Variants in ZDHHC21 observed in about 807,000 individuals in gnomAD.
ZDHHC21 encodes palmitoyltransferase ZDHHC21.
Under a neutral mutation model 34.6 loss-of-function variants are expected in ZDHHC21, and 15 were observed. That is an observed-to-expected ratio of 0.43 (90% confidence interval 0.29 to 0.67). The LOEUF (loss-of-function observed/expected upper bound fraction) is 0.67, where lower values mean the gene tolerates loss of function less well. ZDHHC21 is among the 30% of genes least tolerant of loss of function. The probability of loss-of-function intolerance (pLI) is 0.14; values close to 1 mark genes in which losing one functional copy is unlikely to be tolerated. For synonymous variants in ZDHHC21, 142 were observed against 101.8 expected, an observed-to-expected ratio of 1.40 and a Z score of -2.38; for missense variants, 344 against 327.7, an observed-to-expected ratio of 1.05 and a Z score of -0.38.
chr9:14,588,818 A>G, the ZDHHC21 span: 1 of 152,156 alleles, frequency 6.6e-6, no homozygotes, highest in Admixed American at 6.5e-5. Flanking sequence ...CTCTGGCTTT[A>G]TTTCATGTAA....
intron 2 of ZDHHC21, among the ~76,000 whole-genome samples, chr9:14,685,176 T>C (rs1838091188): frequency 6.6e-6 from 1 of 151,394 alleles, no homozygotes; most frequent in African/African-American, 2.4e-5. Context: ...CCAAAAGCAA[T>C]GGCAACAAAA....
chr9:14,660,980 G>A (rs937023155), intron 6 of ZDHHC21, among the ~76,000 whole-genome samples: 9 of 152,218 alleles, frequency 5.9e-5, no homozygotes, highest in African/African-American at 2.2e-4. Context: ...ACTATTGTGA[G>A]AGCAAACAGA....
intron 8 of ZDHHC21, among the ~76,000 whole-genome samples, chr9:14,623,156 C>CAAAA (rs200679461): frequency 2.5e-4 from 35 of 139,756 alleles, no homozygotes; most frequent in African/African-American, 8.5e-4. Context: ...AAGGCAACAA[C>CAAAA]AAAAAAAAAA....
chr9:14,609,669 ATAT>A (rs1234046903), downstream of ZDHHC21, among the ~76,000 whole-genome samples: 1 of 152,110 alleles, frequency 6.6e-6, no homozygotes, highest in Non-Finnish European at 1.5e-5. Flanking sequence ...ACCAGTGGTA[ATAT>A]TAATGAACTT....
At chr9:14,658,993 T>G in intron 6 of ZDHHC21, 106 bp from the exon 7 acceptor site, 1 of 1,149,452 alleles carries the variant, frequency 8.7e-7, no homozygotes. Context: ...ATGCTTAACT[T>G]CATGGAGATA....
At chr9:14,604,678 T>G in the ZDHHC21 span, among the ~76,000 whole-genome samples, 1 of 152,222 alleles carries the variant, frequency 6.6e-6, no homozygotes, top group Non-Finnish European at 1.5e-5. Flanking sequence ...TTATTATTTT[T>G]CATACTTCAC....
At chr9:14,653,961 A>C (rs2133860809) in intron 7 of ZDHHC21, among the ~76,000 whole-genome samples, 1 of 152,188 alleles carries the variant, frequency 6.6e-6, no homozygotes, top group South Asian at 2.1e-4. Context: ...CCAGAACTTA[A>C]GAGGCCAAAA....
chr9:14,668,215 A>T (rs1403099017), intron 5 of ZDHHC21, among the ~76,000 whole-genome samples: 1 of 136,776 alleles, frequency 7.3e-6, no homozygotes, highest in Non-Finnish European at 1.6e-5. Flanking sequence ...CAACAGACAA[A>T]CAGAGAGCCA....
chr9:14,612,416 G>A lies in ZDHHC21; in HGVS notation c.*6550C>T, dbSNP rs931758622. 9 of 151,920 alleles carry A rather than the reference G, an allele frequency of 5.9e-5. No individual in the cohort carries two copies. Among genetic ancestry groups the A allele is most frequent in the Non-Finnish European group, 8.8e-5 (6 of 67,916 alleles). 9.4% of individuals were successfully genotyped at this position (151,920 alleles called of 1,614,324 possible). A position where few individuals can be genotyped will look rare whatever the true frequency, so the allele number is the denominator to read the frequency against. ...CACTGAGTGTTTTGAGAATTTTAAA[G>A]GGAAAAATCTGGAACCCAAATAATA... On this transcript the variant is annotated 3_prime_UTR_variant, in exon 10 of 10. Transcript: ENST00000380916.
chr9:14,615,963 T>C lies in ZDHHC21; in HGVS notation c.*3003A>G, dbSNP rs895945102. On this transcript the variant is annotated 3_prime_UTR_variant, in exon 10 of 10. Coordinates refer to ENST00000380916, the MANE Select transcript of ZDHHC21 (RefSeq NM_178566.6). ...GCCCAACACCTTTAGTTGTTTTCAG[T>C]TATCCAGAATACATAAGAAATTGTT... The C allele has an allele frequency of 2.6e-5, 4 of 151,700 alleles. No individual in the cohort carries two copies. The highest frequency in any genetic ancestry group is 2.6e-4 in the Admixed American group (4 of 15,178). 9.4% of individuals were successfully genotyped at this position (151,700 alleles called of 1,614,324 possible).
chr9:14,608,001 A>G (rs1028736381), downstream of ZDHHC21, among the ~76,000 whole-genome samples: 8 of 152,216 alleles, frequency 5.3e-5, no homozygotes, highest in African/African-American at 1.9e-4. Context: ...CGTGATGAGA[A>G]TATCTGAAAT....
intron 7 of ZDHHC21, among the ~76,000 whole-genome samples, chr9:14,656,080 A>G (rs969668325): frequency 2.0e-5 from 3 of 151,864 alleles, no homozygotes; most frequent in African/African-American, 7.2e-5. Context: ...TCAATCCACC[A>G]AAAAGGTATA....
intron 7 of ZDHHC21, among the ~76,000 whole-genome samples, chr9:14,653,889 T>TA (rs1293011474): frequency 2.0e-5 from 3 of 151,962 alleles, no homozygotes; most frequent in African/African-American, 7.2e-5. Context: ...AAAAGCCAGA[T>TA]AAAATCCAAT....
chr9:14,638,910 T>A (rs956498898), intron 8 of ZDHHC21, among the ~76,000 whole-genome samples: 1 of 152,048 alleles, frequency 6.6e-6, no homozygotes, highest in Non-Finnish European at 1.5e-5. Context: ...TTGGTGGGAA[T>A]GTAAATTAGC....
chr9:14,604,410 T>C, the ZDHHC21 span, among the ~76,000 whole-genome samples: 1 of 152,202 alleles, frequency 6.6e-6, no homozygotes, highest in Non-Finnish European at 1.5e-5. Context: ...AAAATTTACA[T>C]AAATGTAAAA....
chr9:14,599,576 G>T, the ZDHHC21 span, among the ~76,000 whole-genome samples: 2 of 151,500 alleles, frequency 1.3e-5, no homozygotes, highest in African/African-American at 2.4e-5. Context: ...CCATACCCCA[G>T]TGGCGCCTGG....
intron 2 of ZDHHC21, among the ~76,000 whole-genome samples, chr9:14,688,091 G>A (rs947746650): frequency 6.7e-6 from 1 of 148,196 alleles, no homozygotes; most frequent in African/African-American, 2.6e-5. Flanking sequence ...ATATCACATA[G>A]ATATTCAGTT....
intron 7 of ZDHHC21, among the ~76,000 whole-genome samples, chr9:14,640,307 G>GAAA (rs371542807): frequency 4.0e-5 from 5 of 125,702 alleles, no homozygotes; most frequent in Admixed American, 8.1e-5. Flanking sequence ...CCTATTTTGG[G>GAAA]GAAAAAAAAA....
At chr9:14,629,925 A>G (rs1827026794) in intron 8 of ZDHHC21, among the ~76,000 whole-genome samples, 1 of 152,158 alleles carries the variant, frequency 6.6e-6, no homozygotes, top group African/African-American at 2.4e-5. Flanking sequence ...GCACACCTGT[A>G]GTCCCAGCTA....
Sources: allele counts gnomAD v4.1 joint callset (sites outside exome capture counted in the v4.1 genomes callset), GRCh38; gene constraint gnomAD v4.1.1; transcripts MANE v1.5; gene names NCBI Gene and HGNC (gene_info 2026-07-23, HGNC 2026-07-21).